The following STX8 variants were observed in gnomAD, a reference collection of about 807,000 sequenced individuals.
STX8 encodes the protein syntaxin 8, also known as syntaxin-8.
Under a neutral mutation model 37.5 loss-of-function variants are expected in STX8, and 23 were observed. That is an observed-to-expected ratio of 0.61 (90% confidence interval 0.44 to 0.87). The LOEUF is 0.87. Among genes scored for constraint, STX8 ranks in the 40% least tolerant of loss-of-function variants. The pLI is 0.00. For synonymous variants in STX8, 115 were observed against 99.1 expected (o/e 1.16, Z -0.95); for missense variants, 313 against 284.7 (o/e 1.10, Z -0.71).
intron 4 of STX8, among the ~76,000 whole-genome samples, chr17:9,521,819 G>A (rs571836297): frequency 6.6e-6 from 1 of 152,222 alleles, no homozygotes; most frequent in East Asian, 1.9e-4. Flanking sequence ...ATAAGAATCA[G>A]AACAAGGAAA....
chr17:9,557,965 C>T (rs1907046425), intron 2 of STX8, among the ~76,000 whole-genome samples: 1 of 152,214 alleles, frequency 6.6e-6, no homozygotes, highest in Admixed American at 6.5e-5. Flanking sequence ...CATGGAGTCC[C>T]ATTACCATCC....
chr17:9,541,309 T>C (rs1386985464), intron 4 of STX8, among the ~76,000 whole-genome samples: 1 of 151,786 alleles, frequency 6.6e-6, no homozygotes, highest in Admixed American at 6.6e-5. Context: ...AAGAGGAGAA[T>C]GGAGGGCAGA....
chr17:9,521,771 A>G (rs147938093), intron 4 of STX8, among the ~76,000 whole-genome samples: 182 of 152,346 alleles, frequency 1.2e-3, no homozygotes, highest in Non-Finnish European at 2.2e-3. Context: ...TTTTTTGTTC[A>G]AATTGAATAA....
intron 1 of STX8, 80 bp from the exon 2 acceptor site, chr17:9,568,550 G>A: frequency 1.7e-6 from 2 of 1,146,916 alleles, no homozygotes; most frequent in Non-Finnish European, 2.5e-6. Flanking sequence ...GCCCAGGCTG[G>A]AGTGCAGTGG....
intron 6 of STX8, among the ~76,000 whole-genome samples, chr17:9,453,758 G>A (rs900410148): frequency 6.6e-6 from 1 of 152,142 alleles, no homozygotes; most frequent in Non-Finnish European, 1.5e-5. Context: ...CTCTAAAAGT[G>A]CTGGGATTAC....
intron 6 of STX8, among the ~76,000 whole-genome samples, chr17:9,485,616 T>C (rs1478737261): frequency 2.0e-5 from 3 of 151,480 alleles, no homozygotes; most frequent in Non-Finnish European, 4.4e-5. Context: ...GACAGAGTCT[T>C]GCTCTGTCAC....
At chr17:9,322,991 C>T (rs193224298) in intron 7 of STX8, among the ~76,000 whole-genome samples, 120 of 150,930 alleles carry the variant, frequency 8.0e-4, no homozygotes, top group Middle Eastern at 3.5e-3. Context: ...AATACATATC[C>T]GATTTTTTCA....
chr17:9,384,831 C>T (rs958042255), intron 6 of STX8, among the ~76,000 whole-genome samples: 1 of 106,628 alleles, frequency 9.4e-6, no homozygotes, highest in Admixed American at 8.5e-5. Context: ...CATGCACACA[C>T]GCACGTGCTC....
chr17:9,286,309 G>C (rs189251682), intron 7 of STX8, among the ~76,000 whole-genome samples: 1 of 152,322 alleles, frequency 6.6e-6, no homozygotes, highest in African/African-American at 2.4e-5. Context: ...CACATACGCC[G>C]ATCTTTGACT....
rs567713709 is a variant in STX8 at position 9,250,535 on chromosome 17, CT to C, written c.*42del. On this transcript the variant is annotated 3_prime_UTR_variant, in exon 8 of 8. Transcript: ENST00000306357. ...TACCAAAAGGGTGTTGGGCTTGCAT[CT>C]GTCATTGGCAGGTGTCACTGCTGGT... The C allele has an allele frequency of 5.3e-5, 82 of 1,544,192 alleles. 1 individual carries two copies. The East Asian group carries it at 1.8e-3, about 34-fold the overall frequency.
chr17:9,304,522 A>G (rs1036149258), intron 7 of STX8, among the ~76,000 whole-genome samples: 67 of 151,282 alleles, frequency 4.4e-4, no homozygotes, highest in African/African-American at 1.2e-3. Flanking sequence ...AAAAAAAAAA[A>G]AAAAAAAGAA....
chr17:9,278,910 C>T (rs1390269259), intron 7 of STX8, among the ~76,000 whole-genome samples: 2 of 152,060 alleles, frequency 1.3e-5, no homozygotes, highest in East Asian at 1.9e-4. Flanking sequence ...ATGAGGACAG[C>T]AGCAGAGTGA....
At chr17:9,377,132 C>T (rs2142282369) in intron 7 of STX8, among the ~76,000 whole-genome samples, 1 of 152,228 alleles carries the variant, frequency 6.6e-6, no homozygotes, top group East Asian at 1.9e-4. Flanking sequence ...TGAGCAAACA[C>T]AGCCAGGGAA....
chr17:9,559,760 A>ATATATATATT, intron 2 of STX8, among the ~76,000 whole-genome samples: 9 of 24,494 alleles, frequency 3.7e-4, no homozygotes, highest in Admixed American at 9.7e-4. Flanking sequence ...ATATATATAT[A>ATATATATATT]TTTTTTTTTT....
At chr17:9,449,538 G>A (rs534207814) in intron 6 of STX8, among the ~76,000 whole-genome samples, 1 of 152,092 alleles carries the variant, frequency 6.6e-6, no homozygotes, top group Non-Finnish European at 1.5e-5. Flanking sequence ...TCCAGCCTGG[G>A]CGACAGAGCG....
chr17:9,308,721 C>CAAAAAA, intron 7 of STX8, among the ~76,000 whole-genome samples: 1 of 71,372 alleles, frequency 1.4e-5, no homozygotes, highest in African/African-American at 4.5e-5. Flanking sequence ...GAAACTCCGT[C>CAAAAAA]AAAAAAAAAA....
At chr17:9,326,654 C>T (rs914936400) in intron 7 of STX8, among the ~76,000 whole-genome samples, 32 of 152,134 alleles carry the variant, frequency 2.1e-4, no homozygotes, top group Admixed American at 9.2e-4. Flanking sequence ...CAGAACTTGT[C>T]GGCCACATGT....
intron 6 of STX8, among the ~76,000 whole-genome samples, chr17:9,474,508 G>T (rs955841607): frequency 2.0e-5 from 3 of 152,084 alleles, no homozygotes; most frequent in African/African-American, 7.2e-5. Context: ...AAGTAGCTGG[G>T]ACTACAGGTG....
At chr17:9,362,859 A>ATAAAT (rs1911111863) in intron 7 of STX8, among the ~76,000 whole-genome samples, 1 of 151,300 alleles carries the variant, frequency 6.6e-6, no homozygotes, top group African/African-American at 2.4e-5. Flanking sequence ...AAATAAATAA[A>ATAAAT]TAAATAATCT....
Sources: gnomAD v4.1 joint callset for allele counts (sites outside exome capture counted in the v4.1 genomes callset) on GRCh38, gnomAD v4.1.1 for gene constraint, MANE v1.5 for transcripts, NCBI Gene and HGNC (gene_info 2026-07-23, HGNC 2026-07-21) for gene names.